Variants in KDM4A observed in about 807,000 individuals in gnomAD.
KDM4A encodes the protein lysine demethylase 4A, also known as lysine-specific demethylase 4A.
KDM4A carries 23 observed loss-of-function variants against 127.1 expected under a neutral mutation model. That is an observed-to-expected ratio of 0.18 (90% confidence interval 0.13 to 0.26). The LOEUF is 0.26. KDM4A is among the 10% of genes least tolerant of loss of function. The probability of loss-of-function intolerance (pLI) is 1.00; values close to 1 mark genes in which losing one functional copy is unlikely to be tolerated. For synonymous variants in KDM4A, 443 were observed against 466.5 expected (o/e 0.95, Z 0.65); for missense variants, 890 against 1,329.1 (o/e 0.67, Z 5.14).
chr1:43,704,477 A>C lies in KDM4A; in HGVS notation c.*107A>C. 8.3e-7 allele frequency: 1 copy of C among 1,207,190 alleles called. No homozygotes were observed. Among genetic ancestry groups the C allele is most frequent in the African/African-American group, 1.5e-5 (1 of 65,570 alleles). 74.8% of individuals were successfully genotyped at this position (1,207,190 alleles called of 1,614,324 possible). A position where few individuals can be genotyped will look rare whatever the true frequency, so the allele number is the denominator to read the frequency against. On this transcript the variant is annotated 3_prime_UTR_variant, in exon 22 of 22. Coordinates refer to ENST00000372396, the MANE Select transcript of KDM4A (RefSeq NM_014663.3). Reference sequence around the variant, plus strand: ...AAGTCTCTGAAAGTGAAGTTGTAAAAAGAAAAGGAATGAAATAACCGACCC... The same window carrying C: ...AAGTCTCTGAAAGTGAAGTTGTAAACAGAAAAGGAATGAAATAACCGACCC...
intron 4 of KDM4A, among the ~76,000 whole-genome samples, chr1:43,661,628 A>G (rs905478844): frequency 5.9e-4 from 88 of 148,966 alleles, no homozygotes; most frequent in Non-Finnish European, 1.0e-3. Context: ...AAAAAAAAAA[A>G]AAAAAAAAAA....
In KDM4A at chr1:43,691,580, A is replaced by G; in HGVS notation, c.2319+8A>G. 1 of 1,611,064 alleles carries G rather than the reference A, an allele frequency of 6.2e-7. No homozygotes were observed. On this transcript the variant is annotated splice_region_variant and intron_variant, in intron 15 of 21. Transcript: ENST00000372396. ...GCCAATGCCCTAGAGGAGGTGAGTG[A>G]TCCCACACTGTTACTGTCTTCACCA...
intron 11 of KDM4A, among the ~76,000 whole-genome samples, chr1:43,677,791 C>T (rs536041063): frequency 4.6e-5 from 7 of 152,276 alleles, no homozygotes; most frequent in Admixed American, 1.3e-4. Context: ...TCACTTCCTA[C>T]ATTTATGCAT....
intron 19 of KDM4A, among the ~76,000 whole-genome samples, chr1:43,698,998 A>C (rs1053276797): frequency 6.6e-6 from 1 of 151,970 alleles, no homozygotes; most frequent in Admixed American, 6.6e-5. Flanking sequence ...CATGTTGCCC[A>C]GGCTGGTCTC....
intron 11 of KDM4A, among the ~76,000 whole-genome samples, chr1:43,675,350 T>C (rs1337054496): frequency 6.6e-6 from 1 of 152,208 alleles, no homozygotes; most frequent in Non-Finnish European, 1.5e-5. Context: ...ATCATTCCAG[T>C]ACTTAATGAT....
intron 11 of KDM4A, among the ~76,000 whole-genome samples, chr1:43,681,966 AC>A (rs1660869602): frequency 6.6e-6 from 1 of 152,074 alleles, no homozygotes; most frequent in South Asian, 2.1e-4. Context: ...GAACCCTTTT[AC>A]TTACTTACTT....
rs1393880560 is a variant in KDM4A, at chr1:43,690,848, G to A, written c.2041G>A (p.Glu681Lys). Reference protein sequence around the residue: ...CMIFQTYHQVEFGGFNQNCGN... With the variant: ...CMIFQTYHQVKFGGFNQNCGN... ...TACACTTGTTCTTTCCCCTTAGGTT[G>A]AATTTGGAGGCTTTAATCAGAACTG... The change falls in exon 14 of 22, where the codon GAA becomes AAA. Residue 681 changes from glutamate (E) to lysine (K), a missense_variant. Glu to Lys is a moderately conservative substitution (Grantham distance 56, BLOSUM62 1). This residue lies in a region of KDM4A where 389 missense variants were observed against 485.9 expected (regional missense o/e 0.80). Coordinates refer to ENST00000372396, the MANE Select transcript of KDM4A (RefSeq NM_014663.3). 1.2e-6 allele frequency: 2 copies of A among 1,614,194 alleles called. No homozygotes were observed. The highest frequency in any genetic ancestry group is 1.6e-4 in the Middle Eastern group (1 of 6,062).
rs142425673 is a variant in KDM4A, at chr1:43,671,567, G to T, written c.1426G>T (p.Asp476Tyr). 6.2e-7 allele frequency: 1 copy of T among 1,606,454 alleles called. No homozygotes were observed. Among genetic ancestry groups the T allele is most frequent in the African/African-American group, 1.3e-5 (1 of 74,408 alleles). The change falls in exon 11 of 22, where the codon GAT becomes TAT. Residue 476 changes from aspartate to tyrosine, a missense_variant. Around this residue, in one of 7 missense-constraint regions of KDM4A, gnomAD observed 389 missense variants for 485.9 expected, o/e 0.80. Transcript: ENST00000372396. ...ELKNVKLEEEDEEEEQAAAAL... is the reference protein window; with the variant it reads ...ELKNVKLEEEYEEEEQAAAAL... Reference sequence around the variant, plus strand: ...TAAAAATGTCAAACTAGAAGAGGAGGATGAGGAGGAAGAACAAGCAGCAGC... The same window carrying T: ...TAAAAATGTCAAACTAGAAGAGGAGTATGAGGAGGAAGAACAAGCAGCAGC...
chr1:43,653,109 A>G, intron 1 of KDM4A, 28 bp from the exon 2 acceptor site: 2 of 1,239,776 alleles, frequency 1.6e-6, no homozygotes, highest in Non-Finnish European at 2.2e-6. Context: ...TTTTTATATT[A>G]TTTTATACTC....
chr1:43,670,947 C>T (rs1437310858), intron 10 of KDM4A, among the ~76,000 whole-genome samples: 1 of 152,190 alleles, frequency 6.6e-6, no homozygotes, highest in African/African-American at 2.4e-5. Context: ...TCCAGCAATC[C>T]TCCCATCTTG....
chr1:43,683,887 G>A (rs1660913435), intron 12 of KDM4A, 83 bp downstream of exon 12: 6 of 1,526,188 alleles, frequency 3.9e-6, no homozygotes, highest in South Asian at 2.4e-5. Flanking sequence ...AGGCCAAGCT[G>A]AGGGATAAGG....
chr1:43,673,720 C>T (rs886433029), intron 11 of KDM4A, among the ~76,000 whole-genome samples: 5 of 152,060 alleles, frequency 3.3e-5, no homozygotes. Context: ...TAAAGGAGGG[C>T]TTTTTCAGCC....
At chr1:43,685,631 GGT>G (rs769414638) in intron 12 of KDM4A, among the ~76,000 whole-genome samples, 23 of 152,064 alleles carry the variant, frequency 1.5e-4, no homozygotes, top group Admixed American at 4.6e-4. Flanking sequence ...AGCTGGGCAT[GGT>G]GGTGAGCGCC....
At position 43,661,608 on chromosome 1, in the gene KDM4A, CAAAAAAAAAAAAAA is replaced by C. The variant is rs34131801; in HGVS notation, c.429+1215_429+1228del. Among the ~76,000 whole-genome samples, 11 of 40,868 alleles carry C rather than the reference CAAAAAAAAAAAAAA, an allele frequency of 2.7e-4. No homozygotes were observed. The East Asian group carries it at 4.8e-3, about 18-fold the overall frequency. 26.8% of individuals were successfully genotyped at this position (40,868 alleles called of 152,430 possible). On this transcript the variant is annotated intron_variant, in intron 4 of 21. Transcript: ENST00000372396. The stretch of plus-strand genomic sequence containing the variant: ...TGGGTGACAGAGCAAGACTCTGTCT[CAAAAAAAAAAAAAA>C]AAAAAAAAAAAAAAAAAAGAATTCC...
intron 11 of KDM4A, among the ~76,000 whole-genome samples, chr1:43,675,533 A>G (rs985908935): frequency 6.6e-6 from 1 of 152,202 alleles, no homozygotes; most frequent in Non-Finnish European, 1.5e-5. Flanking sequence ...TGCTCATGAT[A>G]ACTCATGCCA....
intron 4 of KDM4A, among the ~76,000 whole-genome samples, chr1:43,661,099 T>C (rs999700560): frequency 9.2e-5 from 14 of 151,736 alleles, no homozygotes; most frequent in Non-Finnish European, 1.5e-5. Context: ...CTCAGCCACC[T>C]GAGTAGCTGG....
chr1:43,663,940 A>T (rs972966335), intron 5 of KDM4A, among the ~76,000 whole-genome samples: 1 of 152,118 alleles, frequency 6.6e-6, no homozygotes, highest in African/African-American at 2.4e-5. Context: ...GGCCCATCTC[A>T]GCATTTTAGT....
intron 19 of KDM4A, among the ~76,000 whole-genome samples, chr1:43,701,155 G>A (rs566748059): frequency 2.7e-4 from 41 of 151,772 alleles, no homozygotes; most frequent in Admixed American, 7.9e-4. Context: ...TCTTGACCTC[G>A]TGATCTGCCC....
intron 10 of KDM4A, 130 bp downstream of exon 10, chr1:43,669,429 G>C: frequency 1.1e-6 from 1 of 925,928 alleles, no homozygotes; most frequent in East Asian, 2.5e-5. Flanking sequence ...AGCATACTTG[G>C]AGTGTGAGAA....
Sources: allele counts gnomAD v4.1 joint callset (sites outside exome capture counted in the v4.1 genomes callset), GRCh38; gene constraint gnomAD v4.1.1; regional missense constraint gnomAD v4.1.1; transcripts MANE v1.5; gene names NCBI Gene and HGNC (gene_info 2026-07-23, HGNC 2026-07-21).